Variants in PVT1 observed in about 807,000 individuals in gnomAD.
PVT1 encodes Pvt1 oncogene.
intron 6 of PVT1, among the ~76,000 whole-genome samples, chr8:128,098,710 GC>G (rs1814460080): frequency 6.6e-6 from 1 of 152,176 alleles, no homozygotes; most frequent in Non-Finnish European, 1.5e-5. Context: ...ATTGTCTTCT[GC>G]TGCTCCTCTT....
At chr8:127,990,181 C>A (rs1159277172) in intron 4 of PVT1, among the ~76,000 whole-genome samples, 1 of 152,272 alleles carries the variant, frequency 6.6e-6, no homozygotes, top group South Asian at 2.1e-4. Context: ...CAGCCCCTTA[C>A]CCAAAGCAGA....
chr8:127,961,856 C>T (rs2129947260), intron 3 of PVT1, among the ~76,000 whole-genome samples: 1 of 152,362 alleles, frequency 6.6e-6, no homozygotes, highest in African/African-American at 2.4e-5. Context: ...AGTCTGACTC[C>T]TGGTTTCTGG....
At chr8:127,832,822 C>T (rs1814868414) in intron 2 of PVT1, among the ~76,000 whole-genome samples, 1 of 152,100 alleles carries the variant, frequency 6.6e-6, no homozygotes, top group South Asian at 2.1e-4. Flanking sequence ...CGCACCACTC[C>T]ACTCCAGCCT....
chr8:127,964,744 C>T (rs1180758136), intron 3 of PVT1, among the ~76,000 whole-genome samples: 5 of 151,974 alleles, frequency 3.3e-5, no homozygotes, highest in Admixed American at 6.6e-5. Context: ...TCTCTATGTC[C>T]GTCTCTCCTC....
chr8:128,098,566 C>A (rs1176568736), intron 6 of PVT1, among the ~76,000 whole-genome samples: 1 of 152,196 alleles, frequency 6.6e-6, no homozygotes, highest in African/African-American at 2.4e-5. Context: ...GGTTGTGTGA[C>A]CTTGCACAGG....
chr8:127,881,457 TATTATTATTTC>T lies in PVT1; in HGVS notation n.373-9130_373-9120del, dbSNP rs1398740890. The stretch of plus-strand genomic sequence containing the variant: ...ATTATATTATTATTATTATTATTAT[TATTATTATTTC>T]AGATGGAGTTTCACTCTTGTCGCCC... On this transcript the variant is annotated intron_variant and non_coding_transcript_variant, in intron 2 of 10. Coordinates refer to ENST00000651587, the Ensembl canonical transcript of PVT1. 3.7e-4 allele frequency among the ~76,000 whole-genome samples: 54 copies of T among 147,730 alleles called. No individual in the cohort carries two copies. In the South Asian group the frequency reaches 4.9e-3, roughly 13 times the overall value.
intron 2 of PVT1, among the ~76,000 whole-genome samples, chr8:127,870,432 C>T (rs957962295): frequency 2.6e-5 from 4 of 152,222 alleles, no homozygotes; most frequent in African/African-American, 9.6e-5. Flanking sequence ...GAGAGTGCAT[C>T]TGCTGATGTA....
chr8:127,981,772 CCT>C (rs1484340817), intron 3 of PVT1, among the ~76,000 whole-genome samples: 1 of 152,174 alleles, frequency 6.6e-6, no homozygotes, highest in Non-Finnish European at 1.5e-5. Context: ...CCCACTGCAT[CCT>C]CTGTTTCTAC....
chr8:127,945,203 CTTT>C (rs1563646549), intron 3 of PVT1, among the ~76,000 whole-genome samples: 2 of 152,040 alleles, frequency 1.3e-5, no homozygotes, highest in Non-Finnish European at 2.9e-5. Context: ...TTCTTTCTTT[CTTT>C]TTTATTCTCC....
chr8:127,839,522 C>A (rs1386051043), intron 2 of PVT1, among the ~76,000 whole-genome samples: 1 of 147,536 alleles, frequency 6.8e-6, no homozygotes. Flanking sequence ...TGCACTCCAG[C>A]CTGGGTGAGA....
intron 3 of PVT1, among the ~76,000 whole-genome samples, chr8:127,962,574 GT>G (rs747828931): frequency 4.5e-4 from 69 of 152,102 alleles, no homozygotes; most frequent in Non-Finnish European, 7.4e-4. Flanking sequence ...CCAGGTTGCG[GT>G]TTTTGTCCTT....
intron 2 of PVT1, among the ~76,000 whole-genome samples, chr8:127,890,324 C>A (rs1815584646): frequency 6.6e-6 from 1 of 152,228 alleles, no homozygotes; most frequent in African/African-American, 2.4e-5. Context: ...GCCCCCCAGC[C>A]TCCTCTCCCC....
intron 2 of PVT1, among the ~76,000 whole-genome samples, chr8:127,853,658 G>A (rs1754490752): frequency 6.6e-6 from 1 of 152,046 alleles, no homozygotes; most frequent in Admixed American, 6.5e-5. Context: ...GTGGGTGCCT[G>A]TAATCCCAGC....
rs532393524 is a variant in PVT1, at chr8:127,970,441, G to T, written n.783-18721G>T. 9.2e-5 allele frequency among the ~76,000 whole-genome samples: 14 copies of T among 152,010 alleles called. No homozygotes were observed. In the South Asian group the frequency reaches 2.9e-3, roughly 32 times the overall value. On this transcript the variant is annotated intron_variant and non_coding_transcript_variant, in intron 3 of 10. Transcript: ENST00000651587. ...GCCTCCCGAGTAGCTGGGACTACAG[G>T]CGCCCGCCACCATGCCTGGCTAATT...
At chr8:127,840,677 C>T (rs1427781956) in intron 2 of PVT1, among the ~76,000 whole-genome samples, 1 of 152,238 alleles carries the variant, frequency 6.6e-6, no homozygotes, top group Non-Finnish European at 1.5e-5. Context: ...ACTCTCCTAG[C>T]TGTGCTTCCG....
chr8:127,809,189 G>T (rs911799413), intron 2 of PVT1, among the ~76,000 whole-genome samples: 1 of 151,984 alleles, frequency 6.6e-6, no homozygotes, highest in Non-Finnish European at 1.5e-5. Context: ...ACTATTGAAA[G>T]TTTTCATTTT....
intron 3 of PVT1, among the ~76,000 whole-genome samples, chr8:127,960,030 G>A (rs977187089): frequency 6.6e-6 from 1 of 152,126 alleles, no homozygotes; most frequent in African/African-American, 2.4e-5. Flanking sequence ...CCTGTACGTC[G>A]TAGTTTTGTC....
chr8:127,961,981 AT>A (rs774663959), intron 3 of PVT1, among the ~76,000 whole-genome samples: 5 of 150,014 alleles, frequency 3.3e-5, no homozygotes, highest in Non-Finnish European at 5.9e-5. Flanking sequence ...TGAATGTAGA[AT>A]TTTTTTTTTT....
intron 4 of PVT1, among the ~76,000 whole-genome samples, chr8:128,013,016 G>A (rs577805960): frequency 5.3e-5 from 8 of 152,164 alleles, no homozygotes; most frequent in Non-Finnish European, 7.3e-5. Context: ...TGTTCCCAGG[G>A]CCTGCTAGCT....
Sources: allele counts gnomAD v4.1 joint callset (sites outside exome capture counted in the v4.1 genomes callset), GRCh38; gene constraint gnomAD v4.1.1; transcripts MANE v1.5; gene names NCBI Gene and HGNC (gene_info 2026-07-23, HGNC 2026-07-21).